ZNF516: variants seen among roughly 807,000 people sequenced by gnomAD.
ZNF516 encodes zinc finger protein 516.
ZNF516 carries 19 observed loss-of-function variants against 79.7 expected under a neutral mutation model. The ratio of observed to expected loss-of-function variants is 0.24; its 90% confidence interval spans 0.17 to 0.35. ZNF516 has a LOEUF of 0.35. Ranked by LOEUF, ZNF516 falls within the 10% of genes least tolerant of loss-of-function variation. ZNF516 has a pLI of 1.00. For missense variants in ZNF516, 1,678 were observed against 1,679.5 expected (o/e 1.00, Z 0.02); for synonymous variants, 877 against 739.5 (o/e 1.19, Z -3.02).
At chr18:76,446,981 GT>G (rs1912089275) in intron 2 of ZNF516, among the ~76,000 whole-genome samples, 1 of 152,196 alleles carries the variant, frequency 6.6e-6, no homozygotes, top group Non-Finnish European at 1.5e-5. Context: ...CTGCCCAGGG[GT>G]TGATTAAGTG....
chr18:76,483,409 C>T (rs2145794580), intron 1 of ZNF516, among the ~76,000 whole-genome samples: 1 of 152,304 alleles, frequency 6.6e-6, no homozygotes, highest in East Asian at 1.9e-4. Flanking sequence ...CTGCCATGAT[C>T]CACTCTGTCT....
intron 5 of ZNF516, 141 bp downstream of exon 5, chr18:76,371,326 C>T (rs2074699792): frequency 2.5e-6 from 2 of 791,298 alleles, no homozygotes; most frequent in Non-Finnish European, 4.0e-6. Flanking sequence ...TATACGATCC[C>T]GGAGGCAGAT....
At position 76,390,626 on chromosome 18, in the gene ZNF516, C is replaced by T. The variant is rs549409185; in HGVS notation, c.1811-10323G>A. Among the ~76,000 whole-genome samples, 16 of 152,296 alleles carry T rather than the reference C, an allele frequency of 1.1e-4. 1 individual carries two copies. In the South Asian group the frequency reaches 2.7e-3, roughly 26 times the overall value. On this transcript the variant is annotated intron_variant, in intron 3 of 6. Transcript: ENST00000443185. ...CACCACCCACAAGTCTCCAAGTCTCCGAGGAAACGAGGGGCACAGAGCAAC... is the reference window on the plus strand; with the variant it reads ...CACCACCCACAAGTCTCCAAGTCTCTGAGGAAACGAGGGGCACAGAGCAAC...
At position 76,451,312 on chromosome 18, in the gene ZNF516, G is replaced by A. The variant is rs141919056; in HGVS notation, c.-157-8101C>T. 4.8e-3 allele frequency among the ~76,000 whole-genome samples: 728 copies of A among 151,018 alleles called. 6 individuals are homozygous for A. Among genetic ancestry groups the A allele is most frequent in the African/African-American group, 0.017 (693 of 41,218 alleles). ...TCCTCTCTGACCACCTTCCGGGGGCGGGGGGGGCACCGATGTCAGCCCGGG... is the reference window on the plus strand; with the variant it reads ...TCCTCTCTGACCACCTTCCGGGGGCAGGGGGGGCACCGATGTCAGCCCGGG... On this transcript the variant is annotated intron_variant, in intron 2 of 6. Coordinates refer to ENST00000443185, the MANE Select transcript of ZNF516 (RefSeq NM_014643.4). The surrounding 1 kb of genome is among the most constrained non-coding windows in gnomAD (Gnocchi z 6.0).
At chr18:76,439,005 G>T (rs78739808) in intron 3 of ZNF516, among the ~76,000 whole-genome samples, 2,684 of 152,248 alleles carry the variant, frequency 0.018, 39 homozygotes, top group African/African-American at 0.037. Flanking sequence ...AAAGAACTAA[G>T]TAATCTTTTT....
intron 1 of ZNF516, among the ~76,000 whole-genome samples, chr18:76,480,668 A>G (rs757492705): frequency 1.3e-4 from 19 of 151,954 alleles, no homozygotes; most frequent in Non-Finnish European, 2.4e-4. Context: ...GATTACAGGC[A>G]CCCGCCACCA....
rs758215442 is a variant in ZNF516, at chr18:76,451,079, G to A, written c.-157-7868C>T. ...ACCAGGGAGGAACAAAGGAGCGAGA[G>A]GAAAACTGAAAGTCCCGTTTCCTGC... On this transcript the variant is annotated intron_variant, in intron 2 of 6. Coordinates refer to ENST00000443185, the MANE Select transcript of ZNF516 (RefSeq NM_014643.4). The surrounding 1 kb of genome is among the most constrained non-coding windows in gnomAD (Gnocchi z 6.0). Among the ~76,000 whole-genome samples the A allele has an allele frequency of 4.7e-4, 71 of 152,184 alleles. No individual in the cohort carries two copies. Among genetic ancestry groups the A allele is most frequent in the Non-Finnish European group, 9.1e-4 (62 of 68,028 alleles).
chr18:76,392,022 C>G (rs35812646), intron 3 of ZNF516, among the ~76,000 whole-genome samples: 2,510 of 152,312 alleles, frequency 0.016, 92 homozygotes, highest in African/African-American at 0.058. Context: ...CACAACGCCG[C>G]CCCTGGCTTC....
At chr18:76,424,942 A>AAC (rs201213941) in intron 3 of ZNF516, among the ~76,000 whole-genome samples, 2,631 of 144,240 alleles carry the variant, frequency 0.018, 57 homozygotes, top group Middle Eastern at 0.031. Flanking sequence ...TCCCCCATGA[A>AAC]ACACATGCAG....
At chr18:76,464,309 T>G (rs1913312192) in intron 1 of ZNF516, among the ~76,000 whole-genome samples, 1 of 152,130 alleles carries the variant, frequency 6.6e-6, no homozygotes, top group Non-Finnish European at 1.5e-5. Context: ...GAGGTGCAGG[T>G]TGCAGTGAGT....
intron 3 of ZNF516, among the ~76,000 whole-genome samples, chr18:76,436,876 T>C (rs1160574942): frequency 6.6e-6 from 1 of 152,000 alleles, no homozygotes; most frequent in Non-Finnish European, 1.5e-5. Context: ...AAGATCACCC[T>C]GGACAACATG....
intron 1 of ZNF516, among the ~76,000 whole-genome samples, chr18:76,470,202 C>T (rs890072365): frequency 6.6e-6 from 1 of 152,186 alleles, no homozygotes; most frequent in African/African-American, 2.4e-5. Flanking sequence ...TGACAATTCA[C>T]GTTAACTGCT....
rs769112993 is a variant in ZNF516, at chr18:76,443,061, G to C, written c.-7C>G. The stretch of plus-strand genomic sequence containing the variant: ...CCTCTCTGTTGCGATCCATCCGAAG[G>C]ACGGGCGCGGCCGGTGGTGGCGGCA... On this transcript the variant is annotated 5_prime_UTR_variant, in exon 3 of 7. Coordinates refer to ENST00000443185, the MANE Select transcript of ZNF516 (RefSeq NM_014643.4). The C allele has an allele frequency of 2.5e-6, 4 of 1,577,338 alleles. No individual in the cohort carries two copies. Among genetic ancestry groups the C allele is most frequent in the African/African-American group, 1.3e-5 (1 of 74,186 alleles).
rs1157146983 is a variant in ZNF516 at position 76,441,687 on chromosome 18, G to A, written c.1368C>T (p.Tyr456=). The A allele has an allele frequency of 6.4e-7, 1 of 1,561,692 alleles. No individual in the cohort carries two copies. Among genetic ancestry groups the A allele is most frequent in the Non-Finnish European group, 8.6e-7 (1 of 1,156,260 alleles). The change falls in exon 3 of 7, where the codon TAC becomes TAT. Residue 456 remains tyrosine (Y), a synonymous_variant. Transcript: ENST00000443185. ...DVAFDKDRRE[Y]VLVSQEKRKR... is the part of the protein sequence containing the mutation. Reference sequence around the variant, plus strand: ...TGCGCTTCTCCTGGCTCACCAGGACGTACTCGCGCCTGTCCTTGTCGAAGG... The same window carrying A: ...TGCGCTTCTCCTGGCTCACCAGGACATACTCGCGCCTGTCCTTGTCGAAGG...
At position 76,360,958 on chromosome 18, in the gene ZNF516, A is replaced by G. The variant is rs145686025; in HGVS notation, c.*1540T>C. 2.0e-5 allele frequency: 3 copies of G among 152,002 alleles called. No individual in the cohort carries two copies. The highest frequency in any genetic ancestry group is 2.1e-4 in the South Asian group (1 of 4,828). 9.4% of individuals were successfully genotyped at this position (152,002 alleles called of 1,614,324 possible). Reference sequence around the variant, plus strand: ...CTGTCTACAAAAACTGCACTAGTCCATTACCGTATTAAGTAAACTGTTGCT... The same window carrying G: ...CTGTCTACAAAAACTGCACTAGTCCGTTACCGTATTAAGTAAACTGTTGCT... On this transcript the variant is annotated 3_prime_UTR_variant, in exon 7 of 7. Coordinates refer to ENST00000443185, the MANE Select transcript of ZNF516 (RefSeq NM_014643.4).
intron 3 of ZNF516, among the ~76,000 whole-genome samples, chr18:76,434,337 C>G (rs1179769247): frequency 6.6e-6 from 1 of 152,146 alleles, no homozygotes; most frequent in Non-Finnish European, 1.5e-5. Flanking sequence ...GGCTGAAAGT[C>G]GTATCCAGCA....
intron 2 of ZNF516, among the ~76,000 whole-genome samples, chr18:76,449,851 C>T (rs898909314): frequency 2.0e-5 from 3 of 152,136 alleles, no homozygotes; most frequent in East Asian, 1.9e-4. Context: ...AATAGGAACA[C>T]CTCTATATTC....
intron 3 of ZNF516, among the ~76,000 whole-genome samples, chr18:76,391,371 C>G (rs1014702877): frequency 6.6e-5 from 10 of 152,068 alleles, no homozygotes; most frequent in African/African-American, 2.4e-4. Flanking sequence ...ACCCCCTCAA[C>G]CCTAACCGTG....
intron 3 of ZNF516, chr18:76,388,359 T>C (rs1286322288): frequency 1.3e-5 from 2 of 152,242 alleles, no homozygotes; most frequent in African/African-American, 2.4e-5. Flanking sequence ...GACACTACCA[T>C]GGGGCCAACG....
Sources: gnomAD v4.1 joint callset for allele counts (sites outside exome capture counted in the v4.1 genomes callset) on GRCh38, gnomAD v4.1.1 for gene constraint, Gnocchi (gnomAD v3.1) non-coding constraint, MANE v1.5 for transcripts, NCBI Gene and HGNC (gene_info 2026-07-23, HGNC 2026-07-21) for gene names.